The following HTR1F variants were observed in gnomAD, a reference collection of about 807,000 sequenced individuals.
HTR1F encodes 5-hydroxytryptamine receptor 1F.
A neutral mutation model predicts 24.0 loss-of-function variants in HTR1F; 17 were observed. The ratio of observed to expected loss-of-function variants is 0.71; its 90% CI spans 0.48 to 1.06. The LOEUF (loss-of-function observed/expected upper bound fraction) is 1.06, where lower values mean the gene tolerates loss of function less well. HTR1F is among the 50% of genes least tolerant of loss of function. The probability of loss-of-function intolerance (pLI) is 0.00; values close to 1 mark genes in which losing one functional copy is unlikely to be tolerated. For missense variants in HTR1F, 391 were observed against 427.8 expected (o/e 0.91, Z 0.76); for synonymous variants, 186 against 156.8 (o/e 1.19, Z -1.39).
intron 2 of HTR1F, among the ~76,000 whole-genome samples, chr3:87,955,256 G>C (rs1457807495): frequency 1.3e-5 from 2 of 150,960 alleles, no homozygotes; most frequent in African/African-American, 2.4e-5. Context: ...CTGCTTTTTC[G>C]CACCTATATT....
chr3:87,799,518 A>G (rs1296384009), intron 1 of HTR1F, among the ~76,000 whole-genome samples: 1 of 152,252 alleles, frequency 6.6e-6, no homozygotes, highest in Admixed American at 6.5e-5. Flanking sequence ...TTAATTAGGT[A>G]TTTATTCTCA....
chr3:87,939,319 T>C (rs765190010), intron 2 of HTR1F, among the ~76,000 whole-genome samples: 15 of 152,232 alleles, frequency 9.9e-5, no homozygotes, highest in Non-Finnish European at 2.1e-4. Flanking sequence ...ATCAGGGATA[T>C]TGGCCTGAAA....
chr3:87,970,851 A>C (rs1197575778), intron 2 of HTR1F, among the ~76,000 whole-genome samples: 1 of 151,946 alleles, frequency 6.6e-6, no homozygotes, highest in African/African-American at 2.4e-5. Flanking sequence ...TTTCTTTTCC[A>C]CTCTTATATG....
At chr3:87,978,890 G>GAGGAAGGAATGA (rs1705459378) in intron 2 of HTR1F, among the ~76,000 whole-genome samples, 1 of 46,136 alleles carries the variant, frequency 2.2e-5, no homozygotes, top group African/African-American at 8.2e-5. Context: ...GGGAGGGAGG[G>GAGGAAGGAATGA]AGGAAGGAAG....
At position 87,844,868 on chromosome 3, in the gene HTR1F, G is replaced by A. The variant is rs571731771; in HGVS notation, c.-43+22744G>A. The stretch of plus-strand genomic sequence containing the variant: ...ATGCGGCGTTATTTCTGAGGGCTCT[G>A]TTCTGTTCCATTGATCTATATCTCT... On this transcript the variant is annotated intron_variant, in intron 2 of 2. Transcript: ENST00000319595. Among the ~76,000 whole-genome samples the A allele has an allele frequency of 5.0e-3, 763 of 151,312 alleles. 10 individuals are homozygous for A. Among genetic ancestry groups the A allele is most frequent in the African/African-American group, 0.017 (712 of 40,812 alleles).
At chr3:87,892,446 G>A (rs898981572) in intron 2 of HTR1F, among the ~76,000 whole-genome samples, 7 of 151,966 alleles carry the variant, frequency 4.6e-5, no homozygotes, top group African/African-American at 1.7e-4. Flanking sequence ...CCATAAAGGC[G>A]GCAAGACATA....
chr3:87,941,614 G>A (rs767333767), intron 2 of HTR1F, among the ~76,000 whole-genome samples: 11 of 152,180 alleles, frequency 7.2e-5, no homozygotes, highest in Admixed American at 1.3e-4. Context: ...AATAGATGGA[G>A]GCTATCCCTG....
chr3:87,865,496 T>G (rs776811104), intron 2 of HTR1F, among the ~76,000 whole-genome samples: 13 of 135,422 alleles, frequency 9.6e-5, no homozygotes, highest in East Asian at 2.0e-4. Context: ...CTAAAGCTAA[T>G]AATTATCTTG....
chr3:87,822,457 A>G (rs1447796189), intron 2 of HTR1F, among the ~76,000 whole-genome samples: 1 of 152,244 alleles, frequency 6.6e-6, no homozygotes, highest in Non-Finnish European at 1.5e-5. Flanking sequence ...AAAGGTAGAC[A>G]TTAAATACTA....
chr3:87,887,662 G>T (rs1297755143), intron 2 of HTR1F, among the ~76,000 whole-genome samples: 3 of 152,158 alleles, frequency 2.0e-5, no homozygotes, highest in Non-Finnish European at 4.4e-5. Flanking sequence ...GTGGGCAATG[G>T]ATATGAACAG....
Position 87,812,847 on chromosome 3 carries a change from G to C in HTR1F, c.-159-9161G>C, listed in dbSNP as rs140553569. Among the ~76,000 whole-genome samples, 36 of 152,384 alleles carry C rather than the reference G, an allele frequency of 2.4e-4. No homozygotes were observed. The South Asian group carries it at 4.1e-3, about 18-fold the overall frequency. On this transcript the variant is annotated intron_variant, in intron 1 of 2. Transcript: ENST00000319595. ...AAGTACAGCTTAGGCAGTTGCTTCA[G>C]AGGGTGCAAGCCCCAAGCCTTGGTG...
At chr3:87,893,235 C>T (rs1405303783) in intron 2 of HTR1F, among the ~76,000 whole-genome samples, 1 of 152,062 alleles carries the variant, frequency 6.6e-6, no homozygotes, top group East Asian at 1.9e-4. Flanking sequence ...AACCTATCAA[C>T]TATAATTAAA....
chr3:87,986,682 T>C lies in HTR1F; in HGVS notation c.-42-4026T>C, dbSNP rs527839180. Among the ~76,000 whole-genome samples the C allele has an allele frequency of 2.0e-5, 3 of 152,346 alleles. No homozygotes were observed. In the East Asian group the frequency reaches 5.8e-4, roughly 29 times the overall value. On this transcript the variant is annotated intron_variant, in intron 2 of 2. Coordinates refer to ENST00000319595, the MANE Select transcript of HTR1F (RefSeq NM_001322209.2). ...GTTTAAAATTGTATTCAAAAGGTAA[T>C]TTCAGAATAATCTCTGGAAGATCTC...
chr3:87,895,379 T>C (rs1365228832), intron 2 of HTR1F, among the ~76,000 whole-genome samples: 2 of 152,144 alleles, frequency 1.3e-5, no homozygotes, highest in African/African-American at 4.8e-5. Flanking sequence ...AACAGGTATA[T>C]GAAAAGATGC....
intron 2 of HTR1F, among the ~76,000 whole-genome samples, chr3:87,868,697 A>C (rs1051409896): frequency 6.6e-6 from 1 of 151,972 alleles, no homozygotes; most frequent in African/African-American, 2.4e-5. Context: ...TCTGTCTACT[A>C]TTAAGCCTGT....
At chr3:87,822,348 A>G (rs192856683) in intron 2 of HTR1F, among the ~76,000 whole-genome samples, 8 of 152,256 alleles carry the variant, frequency 5.3e-5, no homozygotes, top group Admixed American at 1.3e-4. Context: ...TATTGGAGGA[A>G]AATAGGGTGG....
rs984329897 is a variant in HTR1F, at chr3:87,883,075, GC to G, written c.-43+60955del. On this transcript the variant is annotated intron_variant, in intron 2 of 2. Coordinates refer to ENST00000319595, the MANE Select transcript of HTR1F (RefSeq NM_001322209.2). ...GGGCGGACACCTCATACAGGTGGGT[GC>G]CCCTCTGGGATGAAGCTTCCAGAGG... 2.2e-4 allele frequency among the ~76,000 whole-genome samples: 34 copies of G among 152,132 alleles called. No individual in the cohort carries two copies. The East Asian group carries it at 5.7e-3, about 25-fold the overall frequency.
Position 87,952,255 on chromosome 3 carries a change from A to G in HTR1F, c.-42-38453A>G, listed in dbSNP as rs114530787. Among the ~76,000 whole-genome samples, 442 of 152,110 alleles carry G rather than the reference A, an allele frequency of 2.9e-3. 3 individuals carry two copies. Among genetic ancestry groups the G allele is most frequent in the African/African-American group, 0.01 (427 of 41,546 alleles). On this transcript the variant is annotated intron_variant, in intron 2 of 2. Transcript: ENST00000319595. ...ACAAAATGTAACTATTTTAAAATTT[A>G]TTTTTTAACAACAGCAATAATTAGA...
rs575707291 is a variant in HTR1F, at chr3:87,855,939, C to G, written c.-43+33815C>G. 2.0e-3 allele frequency among the ~76,000 whole-genome samples: 298 copies of G among 151,964 alleles called. 3 individuals carry two copies. In the South Asian group the frequency reaches 0.021, roughly 11 times the overall value. Reference sequence around the variant, plus strand: ...ACACTTATTTTTCTTTATAATGGCCCTAAAGCACAACATTAATGATGTTGG... The same window carrying G: ...ACACTTATTTTTCTTTATAATGGCCGTAAAGCACAACATTAATGATGTTGG... On this transcript the variant is annotated intron_variant, in intron 2 of 2. Transcript: ENST00000319595.
Sources: allele counts gnomAD v4.1 joint callset (sites outside exome capture counted in the v4.1 genomes callset), GRCh38; gene constraint gnomAD v4.1.1; transcripts MANE v1.5; gene names NCBI Gene and HGNC (gene_info 2026-07-23, HGNC 2026-07-21).